The following ACLY variants were observed in gnomAD, a reference collection of about 807,000 sequenced individuals.
ACLY encodes ATP citrate lyase, also known as ATP-citrate synthase.
Under a neutral mutation model 133.0 loss-of-function variants are expected in ACLY, and 41 were observed. That is an observed-to-expected ratio of 0.31 (90% CI 0.24 to 0.40). The LOEUF is 0.40. ACLY is among the 10% of genes least tolerant of loss of function. The pLI, the probability that ACLY is intolerant of heterozygous loss-of-function variation, is 1.00. For synonymous variants in ACLY, 495 were observed against 549.3 expected, an observed-to-expected ratio of 0.90 and a Z score of 1.38; for missense variants, 1,046 against 1,453.8, an observed-to-expected ratio of 0.72 and a Z score of 4.56.
At chr17:41,916,693 G>C (rs1451974493) in intron 1 of ACLY, among the ~76,000 whole-genome samples, 1 of 151,724 alleles carries the variant, frequency 6.6e-6, no homozygotes, top group Non-Finnish European at 1.5e-5. Flanking sequence ...AGGTCTTAAA[G>C]TCTCTCTAAG....
chr17:41,871,909 C>A, intron 24 of ACLY, 77 bp from the exon 25 acceptor site: 1 of 1,599,338 alleles, frequency 6.3e-7, no homozygotes, highest in South Asian at 1.1e-5. Context: ...CAGTGTGTCC[C>A]GAACGGCCCT....
chr17:41,900,732 A>G (rs577151947), intron 11 of ACLY, among the ~76,000 whole-genome samples: 95 of 152,012 alleles, frequency 6.2e-4, no homozygotes, highest in African/African-American at 2.2e-3. Flanking sequence ...CTCAAAAAAT[A>G]ATAATAATAA....
chr17:41,898,340 T>C (rs1267333746), intron 12 of ACLY, among the ~76,000 whole-genome samples: 3 of 152,190 alleles, frequency 2.0e-5, no homozygotes, highest in Non-Finnish European at 4.4e-5. Flanking sequence ...CTCGAACTCC[T>C]GAGCTCAGGT....
intron 22 of ACLY, among the ~76,000 whole-genome samples, chr17:41,874,355 A>C (rs2048674596): frequency 6.6e-6 from 1 of 151,476 alleles, no homozygotes; most frequent in Non-Finnish European, 1.5e-5. Context: ...TCAGCCTCAA[A>C]CTCCTAGCTA....
chr17:41,884,073 A>G, intron 19 of ACLY, 120 bp downstream of exon 19: 1 of 634,642 alleles, frequency 1.6e-6, no homozygotes, highest in Non-Finnish European at 2.8e-6. Flanking sequence ...CATCTAGGGG[A>G]TGGGATTACC....
At chr17:41,917,110 T>C (rs563905001) in intron 1 of ACLY, among the ~76,000 whole-genome samples, 1 of 131,484 alleles carries the variant, frequency 7.6e-6, no homozygotes, top group South Asian at 2.4e-4. Context: ...CACTCCAGCC[T>C]GCCGACAGAG....
chr17:41,909,720 G>A lies in ACLY; in HGVS notation c.346-20C>T. The A allele has an allele frequency of 1.2e-6, 2 of 1,611,210 alleles. No homozygotes were observed. Among genetic ancestry groups the A allele is most frequent in the Non-Finnish European group, 8.5e-7 (1 of 1,177,822 alleles). ...CTCAGCCTTGCAGGTGAAGAGACAG[G>A]ACAGTGGGATTGGGGTTGTGGGGGC... On this transcript the variant is annotated intron_variant, in intron 4 of 28. Coordinates refer to ENST00000352035, the MANE Select transcript of ACLY (RefSeq NM_001096.3).
intron 11 of ACLY, 79 bp from the exon 12 acceptor site, chr17:41,898,864 T>C: frequency 1.4e-6 from 2 of 1,411,228 alleles, no homozygotes; most frequent in East Asian, 2.4e-5. Context: ...GCAAAGGGCC[T>C]TTTACAGCCA....
chr17:41,899,599 C>T (rs145600553), intron 11 of ACLY, among the ~76,000 whole-genome samples: 2 of 152,236 alleles, frequency 1.3e-5, no homozygotes, highest in African/African-American at 4.8e-5. Flanking sequence ...TCCCATGCCA[C>T]GCTCCCCTCC....
At chr17:41,927,490 T>G (rs2050257544) in intron 1 of ACLY, among the ~76,000 whole-genome samples, 1 of 152,252 alleles carries the variant, frequency 6.6e-6, no homozygotes. Flanking sequence ...CCGGCCACAT[T>G]TAAATATTTC....
chr17:41,891,538 T>A (rs990410296), intron 16 of ACLY, among the ~76,000 whole-genome samples: 4 of 151,994 alleles, frequency 2.6e-5, no homozygotes, highest in African/African-American at 9.7e-5. Flanking sequence ...CATGCCACCA[T>A]GTCCAGCTAA....
chr17:41,911,849 T>C (rs2049911888), intron 3 of ACLY, among the ~76,000 whole-genome samples: 1 of 151,338 alleles, frequency 6.6e-6, no homozygotes, highest in Non-Finnish European at 1.5e-5. Context: ...GCGCAGTGGC[T>C]CATGCCTATA....
At chr17:41,885,897 G>A (rs552211759) in intron 18 of ACLY, among the ~76,000 whole-genome samples, 29 of 152,098 alleles carry the variant, frequency 1.9e-4, no homozygotes, top group Non-Finnish European at 1.6e-4. Flanking sequence ...AAGCCCAGTC[G>A]CCCCTCCTGC....
At chr17:41,919,532 G>A (rs2050149006), upstream of ACLY, among the ~76,000 whole-genome samples, 1 of 152,246 alleles carries the variant, frequency 6.6e-6, no homozygotes, top group African/African-American at 2.4e-5. Context: ...AGGCAAGGCT[G>A]AGCCGAGGCT....
At chr17:41,879,698 A>ATGG (rs2048863119) in intron 20 of ACLY, among the ~76,000 whole-genome samples, 2 of 129,158 alleles carry the variant, frequency 1.5e-5, no homozygotes, top group Non-Finnish European at 3.2e-5. Flanking sequence ...GAAGTGCTAA[A>ATGG]TGGTGTCTGT....
intron 10 of ACLY, among the ~76,000 whole-genome samples, chr17:41,903,649 G>A (rs1555632038): frequency 6.7e-6 from 1 of 148,740 alleles, no homozygotes; most frequent in African/African-American, 2.5e-5. Context: ...CCAGCTACTT[G>A]GAGGACTGAG....
chr17:41,877,825 A>G (rs540103664), intron 22 of ACLY, among the ~76,000 whole-genome samples: 1 of 152,196 alleles, frequency 6.6e-6, no homozygotes, highest in African/African-American at 2.4e-5. Context: ...GCCCTCAAAC[A>G]TCGGACTCCA....
At chr17:41,884,350 A>G in intron 18 of ACLY, 76 bp from the exon 19 acceptor site, 1 of 960,300 alleles carries the variant, frequency 1.0e-6, no homozygotes, top group Non-Finnish European at 1.7e-6. Context: ...TAGGAAGCAC[A>G]CTTGTACTGG....
rs578257707 is a variant in ACLY at position 41,874,943 on chromosome 17, G to T, written c.2488-978C>A. 1.4e-3 allele frequency among the ~76,000 whole-genome samples: 177 copies of T among 124,366 alleles called. 1 individual carries two copies. The highest frequency in any genetic ancestry group is 5.3e-3 in the African/African-American group (172 of 32,674). The allele number at this position is 124,366 out of a possible 152,430, so 81.6% of individuals were successfully genotyped here. On this transcript the variant is annotated intron_variant, in intron 22 of 28. Transcript: ENST00000352035. The stretch of plus-strand genomic sequence containing the variant: ...ATAGCAAAAAAAAAAAAAAAAAAAT[G>T]AGGCTTAGAGAGGCTCAGTAACCAG...
Sources: gnomAD v4.1 joint callset for allele counts (sites outside exome capture counted in the v4.1 genomes callset) on GRCh38, gnomAD v4.1.1 for gene constraint, MANE v1.5 for transcripts, NCBI Gene and HGNC (gene_info 2026-07-23, HGNC 2026-07-21) for gene names.